The following KCNQ3 variants were observed in gnomAD, a reference collection of about 807,000 sequenced individuals.
The protein encoded by KCNQ3 is potassium voltage-gated channel subfamily Q member 3.
Under a neutral mutation model 92.5 loss-of-function variants are expected in KCNQ3, and 30 were observed. That is an observed-to-expected ratio of 0.32 (90% CI 0.24 to 0.44). The LOEUF (loss-of-function observed/expected upper bound fraction) is 0.44. Among genes scored for constraint, KCNQ3 ranks in the 20% least tolerant of loss-of-function variants. KCNQ3 has a pLI of 1.00. For synonymous variants in KCNQ3, 450 were observed against 468.8 expected, an observed-to-expected ratio of 0.96 and a Z score of 0.52; for missense variants, 913 against 1,140.3, an observed-to-expected ratio of 0.80 and a Z score of 2.87.
intron 10 of KCNQ3, 143 bp downstream of exon 10, chr8:132,140,979 GGAAGCAA>G (rs1226280185): frequency 1.2e-4 from 88 of 728,304 alleles, no homozygotes; most frequent in Admixed American, 1.0e-3. Context: ...GAGGAGTTAG[GGAAGCAA>G]GAAGTTGGCT....
chr8:132,233,957 T>A (rs1247393095), intron 1 of KCNQ3, among the ~76,000 whole-genome samples: 1 of 152,130 alleles, frequency 6.6e-6, no homozygotes, highest in East Asian at 1.9e-4. Flanking sequence ...ATAAATCAAG[T>A]GAACACATAA....
At chr8:132,152,967 T>C (rs949514317) in intron 9 of KCNQ3, among the ~76,000 whole-genome samples, 2 of 152,208 alleles carry the variant, frequency 1.3e-5, no homozygotes, top group Non-Finnish European at 2.9e-5. Context: ...CTCTATCCCA[T>C]CATGATTTTT....
chr8:132,177,264 T>C (rs1323561787), intron 4 of KCNQ3, among the ~76,000 whole-genome samples: 1 of 152,206 alleles, frequency 6.6e-6, no homozygotes, highest in Non-Finnish European at 1.5e-5. Flanking sequence ...CCTAATTCTG[T>C]ACTTTGGAGT....
chr8:132,153,280 G>C (rs139420825), intron 9 of KCNQ3, among the ~76,000 whole-genome samples: 1 of 152,284 alleles, frequency 6.6e-6, no homozygotes, highest in East Asian at 1.9e-4. Context: ...GGGAAAGTAA[G>C]ACCAAGAGAG....
chr8:132,480,908 G>C lies in KCNQ3; in HGVS notation c.-376C>G, dbSNP rs1192894895. ...CGGCGGCGGCGGCACCCAGGCCGGC[G>C]AGCCCAAGACAGCATCGCAGTTTAT... On this transcript the variant is annotated 5_prime_UTR_variant, in exon 1 of 15. Coordinates refer to ENST00000388996, the MANE Select transcript of KCNQ3 (RefSeq NM_004519.4). The C allele has an allele frequency of 6.6e-6, 1 of 150,476 alleles. No individual in the cohort carries two copies. The highest frequency in any genetic ancestry group is 1.4e-5 in the Non-Finnish European group (1 of 70,084). 9.3% of individuals were successfully genotyped at this position (150,476 alleles called of 1,614,324 possible).
chr8:132,373,505 C>T (rs1378553409), intron 1 of KCNQ3, among the ~76,000 whole-genome samples: 1 of 152,094 alleles, frequency 6.6e-6, no homozygotes, highest in African/African-American at 2.4e-5. Flanking sequence ...TTGTCTAATT[C>T]TCACCTACCT....
intron 1 of KCNQ3, among the ~76,000 whole-genome samples, chr8:132,324,547 A>T (rs1011457965): frequency 6.6e-6 from 1 of 152,224 alleles, no homozygotes; most frequent in Admixed American, 6.5e-5. Context: ...AAAGAACCAG[A>T]AGAAAAGGGG....
chr8:132,280,397 C>A (rs1816476152), intron 1 of KCNQ3, among the ~76,000 whole-genome samples: 1 of 152,088 alleles, frequency 6.6e-6, no homozygotes, highest in East Asian at 1.9e-4. Context: ...CGGCAGAAAG[C>A]GAAGCAGCAG....
At chr8:132,374,436 A>G (rs1336731385) in intron 1 of KCNQ3, among the ~76,000 whole-genome samples, 1 of 152,064 alleles carries the variant, frequency 6.6e-6, no homozygotes, top group Non-Finnish European at 1.5e-5. Context: ...ACCCACTTCT[A>G]TCCTACCTCC....
intron 1 of KCNQ3, among the ~76,000 whole-genome samples, chr8:132,437,881 C>T (rs1330730799): frequency 6.6e-6 from 1 of 152,184 alleles, no homozygotes; most frequent in Non-Finnish European, 1.5e-5. Flanking sequence ...AGCAGTTTAA[C>T]TTGCATTTGT....
intron 1 of KCNQ3, among the ~76,000 whole-genome samples, chr8:132,226,072 C>A (rs368340677): frequency 7.9e-5 from 12 of 152,176 alleles, no homozygotes; most frequent in African/African-American, 1.9e-4. Context: ...GAGATAGAGA[C>A]CATCCTGGCT....
At position 132,480,137 on chromosome 8, in the gene KCNQ3, G is replaced by A. The variant is rs757723689; in HGVS notation, c.386+10C>T. 5 of 1,608,748 alleles carry A rather than the reference G, an allele frequency of 3.1e-6. No individual in the cohort carries two copies. Among genetic ancestry groups the A allele is most frequent in the South Asian group, 1.1e-5 (1 of 90,578 alleles). ...GCCGCCGAGGGCGCCCCGAGCGGCCGGGTACTCACACCAACGCGTGGTAAA... is the reference window on the plus strand; with the variant it reads ...GCCGCCGAGGGCGCCCCGAGCGGCCAGGTACTCACACCAACGCGTGGTAAA... On this transcript the variant is annotated intron_variant, in intron 1 of 14. Coordinates refer to ENST00000388996, the MANE Select transcript of KCNQ3 (RefSeq NM_004519.4).
chr8:132,249,598 A>G (rs1021170972), intron 1 of KCNQ3, among the ~76,000 whole-genome samples: 4 of 152,198 alleles, frequency 2.6e-5, no homozygotes, highest in Non-Finnish European at 5.9e-5. Context: ...GGCTTCACCT[A>G]GTGGATCCTG....
rs555456501 is a variant in KCNQ3, at chr8:132,340,116, T to C, written c.386+140031A>G. ...TATTAAAAAGTCAGGAAACAACAGA[T>C]GCTGGCGAGGCTGTGGAGAAATAGG... On this transcript the variant is annotated intron_variant, in intron 1 of 14. Transcript: ENST00000388996. Among the ~76,000 whole-genome samples, 3 of 152,314 alleles carry C rather than the reference T, an allele frequency of 2.0e-5. No homozygotes were observed. In the South Asian group the frequency reaches 6.2e-4, roughly 32 times the overall value.
intron 1 of KCNQ3, among the ~76,000 whole-genome samples, chr8:132,440,317 GCA>G (rs1821502604): frequency 2.0e-5 from 3 of 152,140 alleles, no homozygotes; most frequent in Admixed American, 2.0e-4. Flanking sequence ...CCCTGCACTT[GCA>G]CAGTCTTTCC....
intron 1 of KCNQ3, among the ~76,000 whole-genome samples, chr8:132,284,946 T>G (rs4642625): frequency 6.6e-6 from 1 of 152,022 alleles, no homozygotes; most frequent in Non-Finnish European, 1.5e-5. Flanking sequence ...CTTTTCTGCC[T>G]TGCTATTAAG....
Position 132,236,621 on chromosome 8 carries a change from C to T in KCNQ3, c.387-50440G>A, listed in dbSNP as rs140867993. 1.9e-3 allele frequency among the ~76,000 whole-genome samples: 294 copies of T among 152,050 alleles called. 2 individuals carry two copies. Among genetic ancestry groups the T allele is most frequent in the Non-Finnish European group, 2.0e-3 (139 of 67,994 alleles). ...TGGCAGGCAGAATTCTAAGGTGGACCCCAAGATTCTCTGTCCCTGCATAAT... is the reference window on the plus strand; with the variant it reads ...TGGCAGGCAGAATTCTAAGGTGGACTCCAAGATTCTCTGTCCCTGCATAAT... On this transcript the variant is annotated intron_variant, in intron 1 of 14. Coordinates refer to ENST00000388996, the MANE Select transcript of KCNQ3 (RefSeq NM_004519.4).
chr8:132,330,540 T>G (rs766212566), intron 1 of KCNQ3, among the ~76,000 whole-genome samples: 2 of 152,082 alleles, frequency 1.3e-5, no homozygotes, highest in African/African-American at 4.8e-5. Context: ...GTCTGTGACT[T>G]TGCCCTCCAC....
chr8:132,360,632 G>A (rs1181227969), intron 1 of KCNQ3, among the ~76,000 whole-genome samples: 1 of 152,188 alleles, frequency 6.6e-6, no homozygotes, highest in Non-Finnish European at 1.5e-5. Context: ...CACGACAAGA[G>A]CTGCTAGCTG....
Sources: gnomAD v4.1 joint callset for allele counts (sites outside exome capture counted in the v4.1 genomes callset) on GRCh38, gnomAD v4.1.1 for gene constraint, MANE v1.5 for transcripts, NCBI Gene and HGNC (gene_info 2026-07-23, HGNC 2026-07-21) for gene names.